Variants in MGRN1 observed in about 807,000 individuals in gnomAD.
MGRN1 encodes E3 ubiquitin-protein ligase MGRN1.
In MGRN1, 29 loss-of-function variants were observed where a neutral mutation model predicts 69.2. That is an observed-to-expected ratio of 0.42 (90% CI 0.31 to 0.57). MGRN1 has a LOEUF of 0.57. Among genes scored for constraint, MGRN1 ranks in the 20% least tolerant of loss-of-function variants. MGRN1 has a pLI of 0.15. For synonymous variants in MGRN1, 470 were observed against 344.2 expected, an observed-to-expected ratio of 1.37 and a Z score of -4.04; for missense variants, 998 against 796.2, an observed-to-expected ratio of 1.25 and a Z score of -3.05.
chr16:4,686,246 C>T (rs770471727), intron 16 of MGRN1: 16 of 1,542,290 alleles, frequency 1.0e-5, no homozygotes, highest in South Asian at 3.6e-5. Context: ...TGTCTCTCCC[C>T]CTCTCCGCGC....
chr16:4,653,973 A>G (rs1270332999), intron 4 of MGRN1, among the ~76,000 whole-genome samples: 1 of 152,136 alleles, frequency 6.6e-6, no homozygotes, highest in Non-Finnish European at 1.5e-5. Flanking sequence ...GCTGGTCTCA[A>G]TCGCTCGACC....
intron 16 of MGRN1, chr16:4,687,155 C>A (rs1045517): frequency 1.0e-6 from 1 of 985,424 alleles, no homozygotes; most frequent in Non-Finnish European, 1.2e-6. Context: ...CTGGAACCTT[C>A]TGGAACACCA....
chr16:4,673,380 C>A, intron 9 of MGRN1, 118 bp from the exon 10 acceptor site: 1 of 1,377,434 alleles, frequency 7.3e-7, no homozygotes, highest in Non-Finnish European at 9.9e-7. Flanking sequence ...CTGGACTTCT[C>A]TTTGTCATGA....
chr16:4,645,025 A>G (rs991920677), intron 1 of MGRN1, among the ~76,000 whole-genome samples: 3 of 152,184 alleles, frequency 2.0e-5, no homozygotes, highest in Non-Finnish European at 4.4e-5. Flanking sequence ...TTAAAAAGAT[A>G]AAGGAAAAAA....
At chr16:4,668,422 CAT>C in intron 8 of MGRN1, 110 bp downstream of exon 8, 4 of 1,040,530 alleles carry the variant, frequency 3.8e-6, no homozygotes, top group Non-Finnish European at 4.3e-6. Flanking sequence ...CACATATACT[CAT>C]ACACGCTCAT....
chr16:4,672,196 G>A (rs147058298), intron 9 of MGRN1, among the ~76,000 whole-genome samples: 2 of 151,992 alleles, frequency 1.3e-5, no homozygotes, highest in East Asian at 1.9e-4. Flanking sequence ...GAACCACCGC[G>A]CCCAGCCTAA....
chr16:4,646,090 A>G (rs1174488944), intron 1 of MGRN1, among the ~76,000 whole-genome samples: 2 of 151,336 alleles, frequency 1.3e-5, no homozygotes, highest in African/African-American at 4.9e-5. Flanking sequence ...GAGGGTCGGG[A>G]TTGGGAGCGG....
intron 10 of MGRN1, among the ~76,000 whole-genome samples, chr16:4,676,512 T>C (rs995900194): frequency 3.9e-5 from 6 of 152,182 alleles, no homozygotes; most frequent in Admixed American, 2.0e-4. Context: ...CGTGTGGCTT[T>C]GAGCCTCAAG....
chr16:4,688,199 C>T (rs1452760206), intron 16 of MGRN1: 1 of 985,666 alleles, frequency 1.0e-6, no homozygotes, highest in Non-Finnish European at 1.2e-6. Flanking sequence ...GGCCCCGTCC[C>T]AGGCTCTGCA....
intron 10 of MGRN1, 114 bp downstream of exon 10, chr16:4,673,771 T>G: frequency 7.5e-7 from 1 of 1,326,534 alleles, no homozygotes; most frequent in Middle Eastern, 1.9e-4. Flanking sequence ...GAAAGAAGAG[T>G]TGTCATTCAT....
chr16:4,688,386 C>T (rs77453132), intron 16 of MGRN1: 89,535 of 1,007,024 alleles, frequency 0.089, 4,411 homozygotes, highest in Non-Finnish European at 0.098. Context: ...GGGCCGCTCC[C>T]CACCCCTGCA....
rs187335089 is a variant in MGRN1 at position 4,678,165 on chromosome 16, A to G, written c.1065+593A>G. ...TCCACCCCGTGGTTCTTAGTGAATG[A>G]GCCATGCTGTTTCCCCCATGCGCTG... On this transcript the variant is annotated intron_variant, in intron 11 of 16. Transcript: ENST00000262370. Among the ~76,000 whole-genome samples, 596 of 152,318 alleles carry G rather than the reference A, an allele frequency of 3.9e-3. 2 individuals carry two copies. Among genetic ancestry groups the G allele is most frequent in the African/African-American group, 0.014 (566 of 41,570 alleles).
intron 9 of MGRN1, among the ~76,000 whole-genome samples, 188 bp downstream of exon 9, chr16:4,671,647 A>G (rs2078939603): frequency 6.6e-6 from 1 of 152,152 alleles, no homozygotes; most frequent in Non-Finnish European, 1.5e-5. Flanking sequence ...TTTCTCCAGC[A>G]AATTCACTAG....
rs775285608 is a variant in MGRN1, at chr16:4,677,506, A to C, written c.999A>C (p.Pro333=). 4.8e-5 allele frequency: 76 copies of C among 1,594,376 alleles called. No individual in the cohort carries two copies. The Middle Eastern group carries it at 5.0e-4, about 10-fold the overall frequency. Reference sequence around the variant, plus strand: ...AGATCCGGGCGGTGCGGAAGAAGCCAGGAGCCCTGTCCCCCGTGTCCTTCA... The same window carrying C: ...AGATCCGGGCGGTGCGGAAGAAGCCCGGAGCCCTGTCCCCCGTGTCCTTCA... The part of the protein sequence containing the change: ...LLQIRAVRKK[P]GALSPVSFSP... The change falls in exon 11 of 17, where the codon CCA becomes CCC. Residue 333 remains proline (P), a synonymous_variant. Transcript: ENST00000262370.
At chr16:4,625,592 A>G (rs890436103) in intron 1 of MGRN1, among the ~76,000 whole-genome samples, 4 of 152,160 alleles carry the variant, frequency 2.6e-5, no homozygotes, top group African/African-American at 4.8e-5. Context: ...GGGAGGGGCC[A>G]GGGTCCTTGC....
intron 8 of MGRN1, among the ~76,000 whole-genome samples, chr16:4,668,626 T>G (rs1245843580): frequency 6.6e-6 from 1 of 151,368 alleles, no homozygotes; most frequent in African/African-American, 2.4e-5. Context: ...ATGCAGTCAT[T>G]CAGATGCACA....
At position 4,653,819 on chromosome 16, in the gene MGRN1, CTTG is replaced by C. The variant is rs1209315205; in HGVS notation, c.443+996_443+998del. 8.6e-5 allele frequency among the ~76,000 whole-genome samples: 13 copies of C among 152,014 alleles called. 1 individual carries two copies. Among genetic ancestry groups the C allele is most frequent in the African/African-American group, 3.1e-4 (13 of 41,390 alleles). ...CCAGGCTGGAGTGCAATGGTGTGAT[CTTG>C]GCTCACTGCAACCTCCGCCTCCTAG... On this transcript the variant is annotated intron_variant, in intron 4 of 16. Transcript: ENST00000262370.
intron 16 of MGRN1, chr16:4,686,328 C>T (rs955765795): frequency 1.6e-5 from 24 of 1,541,740 alleles, no homozygotes; most frequent in African/African-American, 5.5e-5. Flanking sequence ...AGACGCGCTT[C>T]GGGGGCTCTG....
At position 4,624,915 on chromosome 16, in the gene MGRN1, G is replaced by T; in HGVS notation, c.-46G>T. 1 of 1,471,916 alleles carries T rather than the reference G, an allele frequency of 6.8e-7. No homozygotes were observed. Among genetic ancestry groups the T allele is most frequent in the Non-Finnish European group, 9.1e-7 (1 of 1,102,870 alleles). 91.2% of individuals were successfully genotyped at this position (1,471,916 alleles called of 1,614,324 possible). A position where few individuals can be genotyped will look rare whatever the true frequency, so the allele number is the denominator to read the frequency against. On this transcript the variant is annotated 5_prime_UTR_variant, in exon 1 of 17. Coordinates refer to ENST00000262370, the MANE Select transcript of MGRN1 (RefSeq NM_015246.4). ...GCGTGAGGACCCCGCCGCTGTCGCC[G>T]CTCCCGTTCCGGCCCTGGCCCCTCT...
Sources: gnomAD v4.1 joint callset for allele counts (sites outside exome capture counted in the v4.1 genomes callset) on GRCh38, gnomAD v4.1.1 for gene constraint, MANE v1.5 for transcripts, NCBI Gene and HGNC (gene_info 2026-07-23, HGNC 2026-07-21) for gene names.